Variants in FHIT observed in about 807,000 individuals in gnomAD.
FHIT encodes fragile histidine triad diadenosine triphosphatase, also known as bis(5'-adenosyl)-triphosphatase.
A neutral mutation model predicts 17.9 loss-of-function variants in FHIT; 19 were observed. The observed-to-expected ratio is 1.06, with a 90% CI of 0.74 to 1.56. The LOEUF (loss-of-function observed/expected upper bound fraction) is 1.56, where lower values mean the gene tolerates loss of function less well. Among genes scored for constraint, FHIT ranks in the 40% most tolerant of loss-of-function variants. The pLI is 0.00. For missense variants in FHIT, 248 were observed against 189.2 expected, an observed-to-expected ratio of 1.31 and a Z score of -1.82; for synonymous variants, 81 against 69.7, an observed-to-expected ratio of 1.16 and a Z score of -0.81.
intron 4 of FHIT, among the ~76,000 whole-genome samples, chr3:60,660,542 G>T (rs2040215908): frequency 6.6e-6 from 1 of 152,028 alleles, no homozygotes; most frequent in Admixed American, 6.6e-5. Context: ...GACAGATTAT[G>T]CCATGCAGTT....
At chr3:60,613,362 G>C (rs782725153) in intron 4 of FHIT, among the ~76,000 whole-genome samples, 3 of 152,160 alleles carry the variant, frequency 2.0e-5, no homozygotes. Flanking sequence ...CACAGGAAAG[G>C]TAAGTGTGGC....
In FHIT at chr3:60,661,347, C is replaced by T. The variant is rs371131621; in HGVS notation, c.-17-124368G>A. Among the ~76,000 whole-genome samples the T allele has an allele frequency of 2.0e-5, 3 of 152,276 alleles. No individual in the cohort carries two copies. In the East Asian group the frequency reaches 5.8e-4, roughly 29 times the overall value. On this transcript the variant is annotated intron_variant, in intron 4 of 9. Transcript: ENST00000492590. Reference sequence around the variant, plus strand: ...GTTACTCTACTTAGAATAATGATCTCCAATTCCACCCATGTAACTGTGAAT... The same window carrying T: ...GTTACTCTACTTAGAATAATGATCTTCAATTCCACCCATGTAACTGTGAAT...
intron 3 of FHIT, among the ~76,000 whole-genome samples, chr3:61,023,448 C>A (rs1018507232): frequency 6.6e-6 from 1 of 152,104 alleles, no homozygotes; most frequent in Non-Finnish European, 1.5e-5. Flanking sequence ...AATGCCATCC[C>A]CATCAAGCTA....
chr3:60,285,857 C>T lies in FHIT; in HGVS notation c.103+251003G>A, dbSNP rs146362039. Among the ~76,000 whole-genome samples the T allele has an allele frequency of 2.9e-4, 44 of 152,256 alleles. No homozygotes were observed. The East Asian group carries it at 8.1e-3, about 28-fold the overall frequency. On this transcript the variant is annotated intron_variant, in intron 5 of 9. Coordinates refer to ENST00000492590, the MANE Select transcript of FHIT (RefSeq NM_002012.4). ...TTCATATTACTTAGCATTGGGATATCCATCACCTTAAATATTTGTCTTTTC... is the reference window on the plus strand; with the variant it reads ...TTCATATTACTTAGCATTGGGATATTCATCACCTTAAATATTTGTCTTTTC...
chr3:60,745,679 C>T lies in FHIT; in HGVS notation c.-18+76240G>A, dbSNP rs1209490074. Among the ~76,000 whole-genome samples the T allele has an allele frequency of 3.3e-5, 5 of 152,134 alleles. No homozygotes were observed. In the East Asian group the frequency reaches 5.8e-4, roughly 18 times the overall value. On this transcript the variant is annotated intron_variant, in intron 4 of 9. Transcript: ENST00000492590. Reference sequence around the variant, plus strand: ...GGTAATTTGGACTTGGATGGTATGGCGCTAGAGGTGATGTAGCCACATTGA... The same window carrying T: ...GGTAATTTGGACTTGGATGGTATGGTGCTAGAGGTGATGTAGCCACATTGA...
At chr3:60,690,230 G>T in intron 4 of FHIT, 1 of 519,316 alleles carries the variant, frequency 1.9e-6, no homozygotes, top group Admixed American at 2.1e-5. Flanking sequence ...ACTTATTAGA[G>T]CTGTCCACAG....
At chr3:60,116,478 T>C (rs1366156385) in intron 5 of FHIT, among the ~76,000 whole-genome samples, 3 of 152,128 alleles carry the variant, frequency 2.0e-5, no homozygotes, top group Non-Finnish European at 4.4e-5. Flanking sequence ...AATTATGTAC[T>C]TTCCTCTTTT....
chr3:59,921,852 T>C (rs1455454522), intron 8 of FHIT, among the ~76,000 whole-genome samples: 4 of 152,256 alleles, frequency 2.6e-5, no homozygotes, highest in African/African-American at 9.6e-5. Flanking sequence ...ATTTATGATA[T>C]GTGAGTTACA....
At chr3:59,919,802 C>G (rs1044773245) in intron 8 of FHIT, among the ~76,000 whole-genome samples, 7 of 152,188 alleles carry the variant, frequency 4.6e-5, no homozygotes, top group Non-Finnish European at 8.8e-5. Context: ...GTGCTCCCAT[C>G]AATATAAAGA....
At chr3:59,861,712 G>T (rs557119746) in intron 8 of FHIT, among the ~76,000 whole-genome samples, 2 of 152,190 alleles carry the variant, frequency 1.3e-5, no homozygotes, top group South Asian at 4.2e-4. Context: ...AGCGCCACAT[G>T]AATTTCCTGA....
intron 5 of FHIT, among the ~76,000 whole-genome samples, chr3:60,494,359 T>G (rs2034201157): frequency 6.6e-6 from 1 of 152,194 alleles, no homozygotes; most frequent in Non-Finnish European, 1.5e-5. Context: ...CATAGTTGTA[T>G]ATATTTATGG....
intron 3 of FHIT, among the ~76,000 whole-genome samples, chr3:60,932,322 C>G (rs1251998044): frequency 1.3e-5 from 2 of 152,088 alleles, no homozygotes; most frequent in Non-Finnish European, 2.9e-5. Flanking sequence ...CTCCACTCAC[C>G]TCTTCCTATC....
intron 4 of FHIT, among the ~76,000 whole-genome samples, chr3:60,593,417 G>T (rs1396691841): frequency 1.3e-5 from 2 of 152,046 alleles, no homozygotes; most frequent in Admixed American, 6.6e-5. Context: ...CTGAAGAAAG[G>T]TATTTGGGGT....
At chr3:60,163,501 GC>G (rs1701029408) in intron 5 of FHIT, among the ~76,000 whole-genome samples, 1 of 151,900 alleles carries the variant, frequency 6.6e-6, no homozygotes, top group Non-Finnish European at 1.5e-5. Flanking sequence ...TTCCTCCAAG[GC>G]CCCCTGTGCT....
At chr3:59,979,678 C>G (rs1708566821) in intron 7 of FHIT, among the ~76,000 whole-genome samples, 1 of 152,082 alleles carries the variant, frequency 6.6e-6, no homozygotes, top group Admixed American at 6.6e-5. Context: ...AAACTCTACA[C>G]TAAGATATGG....
At chr3:60,503,429 T>C (rs2034601170) in intron 5 of FHIT, among the ~76,000 whole-genome samples, 1 of 152,210 alleles carries the variant, frequency 6.6e-6, no homozygotes, top group Non-Finnish European at 1.5e-5. Flanking sequence ...AGAAGGCCTA[T>C]GATAGCAAAG....
intron 5 of FHIT, among the ~76,000 whole-genome samples, chr3:60,217,952 C>T (rs925050251): frequency 6.6e-6 from 1 of 152,112 alleles, no homozygotes; most frequent in African/African-American, 2.4e-5. Flanking sequence ...TTAAGTCAGA[C>T]ATTAAAGAGA....
chr3:61,006,764 G>T (rs1451048829), intron 3 of FHIT, among the ~76,000 whole-genome samples: 1 of 151,962 alleles, frequency 6.6e-6, no homozygotes, highest in East Asian at 1.9e-4. Context: ...AAAATATACA[G>T]AATGAATAAA....
intron 5 of FHIT, among the ~76,000 whole-genome samples, chr3:60,241,674 T>C (rs1245802700): frequency 1.3e-5 from 2 of 152,082 alleles, no homozygotes; most frequent in Non-Finnish European, 2.9e-5. Context: ...GAGTTAAATA[T>C]ACTGTTTCTG....
Sources: allele counts gnomAD v4.1 joint callset (sites outside exome capture counted in the v4.1 genomes callset), GRCh38; gene constraint gnomAD v4.1.1; transcripts MANE v1.5; gene names NCBI Gene and HGNC (gene_info 2026-07-23, HGNC 2026-07-21).